EPS8: variants seen among roughly 807,000 people sequenced by gnomAD.
EPS8 encodes EGFR pathway substrate 8, signaling adaptor.
EPS8 carries 42 observed loss-of-function variants against 103.8 expected under a neutral mutation model. The ratio of observed to expected loss-of-function variants is 0.40; its 90% CI spans 0.32 to 0.52. The LOEUF is 0.52. Among genes scored for constraint, EPS8 ranks in the 20% least tolerant of loss-of-function variants. EPS8 has a pLI of 0.40. For missense variants in EPS8, 969 were observed against 1,005.1 expected (o/e 0.96, Z 0.49); for synonymous variants, 344 against 344.6 (o/e 1.00, Z 0.02).
chr12:15,732,202 T>C (rs1565522216), intron 1 of EPS8, among the ~76,000 whole-genome samples: 1 of 152,186 alleles, frequency 6.6e-6, no homozygotes, highest in Non-Finnish European at 1.5e-5. Flanking sequence ...CTTAACGAGA[T>C]GAATGGTGTA....
intron 13 of EPS8, among the ~76,000 whole-genome samples, chr12:15,653,462 T>C (rs941788360): frequency 1.8e-4 from 27 of 152,140 alleles, no homozygotes; most frequent in African/African-American, 5.8e-4. Context: ...AATGATCTGC[T>C]ACCCGAAGTC....
intron 1 of EPS8, among the ~76,000 whole-genome samples, chr12:15,786,935 T>C (rs1947317339): frequency 6.6e-6 from 1 of 152,146 alleles, no homozygotes; most frequent in Non-Finnish European, 1.5e-5. Context: ...TCTACAGATG[T>C]CCAAAAGTTT....
Position 15,660,651 on chromosome 12 carries a change from C to T in EPS8, c.900G>A (p.Arg300=), listed in dbSNP as rs1250499107. The T allele has an allele frequency of 5.0e-6, 8 of 1,597,868 alleles. No homozygotes were observed. The highest frequency in any genetic ancestry group is 2.2e-5 in the East Asian group (1 of 44,772). The change falls in exon 10 of 21, where the codon AGG becomes AGA. Residue 300 remains arginine (R), a synonymous_variant. Transcript: ENST00000281172. ...TCCTTTTACCTTTCTTGTTTTTCTTCCTTTTAGAAAGCTCAGAAAATGCTT... is the reference window on the plus strand; with the variant it reads ...TCCTTTTACCTTTCTTGTTTTTCTTTCTTTTAGAAAGCTCAGAAAATGCTT... ...AAEAFSELSK[R]KKNKKGKRKG...
chr12:15,740,636 A>G (rs937941130), intron 1 of EPS8, among the ~76,000 whole-genome samples: 4 of 152,084 alleles, frequency 2.6e-5, no homozygotes, highest in East Asian at 1.9e-4. Flanking sequence ...CTGCTAGAAC[A>G]TATGTGTCAT....
At position 15,761,590 on chromosome 12, in the gene EPS8, T is replaced by C. The variant is rs1258175248; in HGVS notation, c.-22+27571A>G. On this transcript the variant is annotated intron_variant, in intron 1 of 20. Coordinates refer to ENST00000281172, the MANE Select transcript of EPS8 (RefSeq NM_004447.6). This position sits in a 1 kb window ranked among gnomAD's most constrained non-coding sequence, Gnocchi z 4.5. ...TGGAACTGGAATAAAAACAGACACA[T>C]AGACCAATAGAAAAGAATAGAGAAC... Among the ~76,000 whole-genome samples the C allele has an allele frequency of 6.6e-6, 1 of 151,972 alleles. No homozygotes were observed. The highest frequency in any genetic ancestry group is 1.9e-4 in the East Asian group (1 of 5,178).
Position 15,778,376 on chromosome 12 carries a change from T to C in EPS8, c.-22+10785A>G, listed in dbSNP as rs990439405. 2.6e-5 allele frequency among the ~76,000 whole-genome samples: 4 copies of C among 152,218 alleles called. No homozygotes were observed. The highest frequency in any genetic ancestry group is 9.7e-5 in the African/African-American group (4 of 41,450). On this transcript the variant is annotated intron_variant, in intron 1 of 20. Coordinates refer to ENST00000281172, the MANE Select transcript of EPS8 (RefSeq NM_004447.6). The surrounding 1 kb of genome is among the most constrained non-coding windows in gnomAD (Gnocchi z 4.5). ...GATTTTTATCACAGAAAGGATTCCA[T>C]TGCTATTAAATTATTCAGAATCTAA... is the stretch of plus-strand genomic sequence containing the variant.
chr12:15,708,988 G>A (rs1233974930), intron 1 of EPS8, among the ~76,000 whole-genome samples: 1 of 152,240 alleles, frequency 6.6e-6, no homozygotes, highest in East Asian at 1.9e-4. Context: ...GGGACAGCCT[G>A]ATTCAGAGAG....
At chr12:15,663,930 A>AT (rs1387872521) in intron 8 of EPS8, among the ~76,000 whole-genome samples, 23 of 9,602 alleles carry the variant, frequency 2.4e-3, no homozygotes, top group Middle Eastern at 0.083. Flanking sequence ...CAAAAAAAAA[A>AT]AAAAAAAAAA....
rs1394293507 is a variant in EPS8 at position 15,787,761 on chromosome 12, A to G, written c.-22+1400T>C. On this transcript the variant is annotated intron_variant, in intron 1 of 20. Coordinates refer to ENST00000281172, the MANE Select transcript of EPS8 (RefSeq NM_004447.6). This position sits in a 1 kb window ranked among gnomAD's most constrained non-coding sequence, Gnocchi z 4.9. ...ATATTATCACTATTGCATTTGTGAT[A>G]CATTCTACCTTACCCTTTATGTGAC... Among the ~76,000 whole-genome samples, 1 of 151,856 alleles carries G rather than the reference A, an allele frequency of 6.6e-6. No homozygotes were observed. The highest frequency in any genetic ancestry group is 6.5e-5 in the Admixed American group (1 of 15,284).
chr12:15,765,271 AT>A (rs1444972176), intron 1 of EPS8, among the ~76,000 whole-genome samples: 1 of 152,198 alleles, frequency 6.6e-6, no homozygotes, highest in Non-Finnish European at 1.5e-5. Context: ...TTTATAAGTT[AT>A]TTGAATACAA....
intron 18 of EPS8, among the ~76,000 whole-genome samples, chr12:15,625,149 G>A (rs1027944286): frequency 6.6e-5 from 10 of 152,172 alleles, no homozygotes; most frequent in Non-Finnish European, 1.3e-4. Context: ...GAAAACCTCC[G>A]TAAGTTCCTC....
chr12:15,710,170 A>G (rs2135956595), intron 1 of EPS8, among the ~76,000 whole-genome samples: 1 of 152,352 alleles, frequency 6.6e-6, no homozygotes, highest in East Asian at 1.9e-4. Flanking sequence ...AAGAAAAATT[A>G]CTTGCATAAT....
chr12:15,736,032 C>G lies in EPS8; in HGVS notation c.-21-53060G>C, dbSNP rs7304983. On this transcript the variant is annotated intron_variant, in intron 1 of 20. Coordinates refer to ENST00000281172, the MANE Select transcript of EPS8 (RefSeq NM_004447.6). The surrounding 1 kb of genome is among the most constrained non-coding windows in gnomAD (Gnocchi z 4.2). ...TCCCAAGTAGCTAGGACTACAGGTG[C>G]GTACCACCATACCCAGCTAATTTTT... is the stretch of plus-strand genomic sequence containing the variant. 6.6e-6 allele frequency among the ~76,000 whole-genome samples: 1 copy of G among 152,110 alleles called. No homozygotes were observed. The highest frequency in any genetic ancestry group is 1.9e-4 in the East Asian group (1 of 5,178).
intron 1 of EPS8, among the ~76,000 whole-genome samples, chr12:15,743,575 C>T (rs941812925): frequency 1.3e-4 from 20 of 152,016 alleles, no homozygotes; most frequent in African/African-American, 2.4e-4. Context: ...TATAGACCAA[C>T]GGAACAGAAT....
intron 8 of EPS8, among the ~76,000 whole-genome samples, chr12:15,664,836 G>C (rs1022560422): frequency 2.0e-5 from 3 of 152,144 alleles, no homozygotes; most frequent in Non-Finnish European, 4.4e-5. Flanking sequence ...TTAAAATGAA[G>C]ATACTAGACC....
chr12:15,647,139 C>A lies in EPS8; in HGVS notation c.1556G>T (p.Arg519Leu), dbSNP rs746864913. ...CATTAAATGTTACCTATCTATATGG[C>A]GATTAGAAGTTGGCTTAAAAGCAAC... ...AAVAFKPTSN[R>L]HIDRNYEPLK... The change falls in exon 15 of 21, where the codon CGC becomes CTC. Residue 519 changes from arginine (R) to leucine (L), a missense_variant. Coordinates refer to ENST00000281172, the MANE Select transcript of EPS8 (RefSeq NM_004447.6). The A allele has an allele frequency of 1.9e-6, 3 of 1,613,326 alleles. No homozygotes were observed. Among genetic ancestry groups the A allele is most frequent in the South Asian group, 2.2e-5 (2 of 90,896 alleles).
At position 15,695,152 on chromosome 12, in the gene EPS8, G is replaced by A. The variant is rs1413970963; in HGVS notation, c.-21-12180C>T. On this transcript the variant is annotated intron_variant, in intron 1 of 20. Transcript: ENST00000281172. The surrounding 1 kb of genome is among the most constrained non-coding windows in gnomAD (Gnocchi z 5.0). ...TTGGCCATGACATCAGCAACAAGTT[G>A]TGCTTTTAACCACTATTATATACTT... 6.6e-6 allele frequency among the ~76,000 whole-genome samples: 1 copy of A among 152,152 alleles called. No individual in the cohort carries two copies. Among genetic ancestry groups the A allele is most frequent in the African/African-American group, 2.4e-5 (1 of 41,426 alleles).
At position 15,639,596 on chromosome 12, in the gene EPS8, C is replaced by A. The variant is rs78990017; in HGVS notation, c.1821+1107G>T. Among the ~76,000 whole-genome samples, 1,466 of 152,158 alleles carry A rather than the reference C, an allele frequency of 9.6e-3. 24 individuals are homozygous for A. The highest frequency in any genetic ancestry group is 0.033 in the African/African-American group (1,385 of 41,518). The stretch of plus-strand genomic sequence containing the variant: ...GAGATAGAGAAACTATACACAAATT[C>A]TTTATTTTGAATGTTTGCTTGATTC... On this transcript the variant is annotated intron_variant, in intron 17 of 20. Coordinates refer to ENST00000281172, the MANE Select transcript of EPS8 (RefSeq NM_004447.6).
rs186505219 is a variant in EPS8 at position 15,696,925 on chromosome 12, G to A, written c.-21-13953C>T. On this transcript the variant is annotated intron_variant, in intron 1 of 20. Coordinates refer to ENST00000281172, the MANE Select transcript of EPS8 (RefSeq NM_004447.6). The surrounding 1 kb of genome is among the most constrained non-coding windows in gnomAD (Gnocchi z 4.8). The stretch of plus-strand genomic sequence containing the variant: ...GTGACCAAAGAACCTTCATGTTCCC[G>A]GATCACATTATATAGATTTTTGTTT... Among the ~76,000 whole-genome samples, 6 of 152,090 alleles carry A rather than the reference G, an allele frequency of 3.9e-5. No individual in the cohort carries two copies. Among genetic ancestry groups the A allele is most frequent in the African/African-American group, 9.7e-5 (4 of 41,412 alleles).
Sources: allele counts gnomAD v4.1 joint callset (sites outside exome capture counted in the v4.1 genomes callset), GRCh38; gene constraint gnomAD v4.1.1; non-coding constraint Gnocchi (gnomAD v3.1); transcripts MANE v1.5; gene names NCBI Gene and HGNC (gene_info 2026-07-23, HGNC 2026-07-21).